Variants in ERAP1 observed in about 807,000 individuals in gnomAD.
ERAP1 encodes the protein adipocyte-derived leucine aminopeptidase.
Under a neutral mutation model 103.7 loss-of-function variants are expected in ERAP1, and 86 were observed. That is an observed-to-expected ratio of 0.83 (90% CI 0.70 to 0.99). The LOEUF is 0.99. Ranked by LOEUF, ERAP1 falls within the 50% of genes least tolerant of loss-of-function variation. ERAP1 has a pLI of 0.00. For synonymous variants in ERAP1, 398 were observed against 402.4 expected, an observed-to-expected ratio of 0.99 and a Z score of 0.13; for missense variants, 1,009 against 1,128.4, an observed-to-expected ratio of 0.89 and a Z score of 1.52.
chr5:96,790,794 G>C, intron 8 of ERAP1, 151 bp from the exon 9 acceptor site: 1 of 713,804 alleles, frequency 1.4e-6, no homozygotes, highest in Non-Finnish European at 2.4e-6. Flanking sequence ...GAGTAAGCAG[G>C]TTAAACCTGG....
rs377735000 is a variant in ERAP1 at position 96,774,915 on chromosome 5, G to A, written c.*1481C>T. On this transcript the variant is annotated 3_prime_UTR_variant, in exon 19 of 19. Coordinates refer to ENST00000443439, the MANE Select transcript of ERAP1 (RefSeq NM_001040458.3). ...AGGGGAACACATTTTGACATTTTTC[G>A]TACCAATCATCAATCATATTCCCTT... 6.1e-4 allele frequency: 597 copies of A among 985,018 alleles called. 7 individuals are homozygous for A. The African/African-American group carries it at 9.5e-3, about 16-fold the overall frequency. 61.0% of individuals were successfully genotyped at this position (985,018 alleles called of 1,614,324 possible).
the ERAP1 span, among the ~76,000 whole-genome samples, chr5:96,831,802 G>A: frequency 7.2e-5 from 11 of 152,186 alleles, no homozygotes; most frequent in African/African-American, 9.7e-5. Context: ...GCTAGCCCAC[G>A]TCTTTCCCTC....
At chr5:96,770,381 CA>C (rs1448935467), downstream of ERAP1, 38 of 589,574 alleles carry the variant, frequency 6.4e-5, no homozygotes, top group Non-Finnish European at 7.4e-5. Context: ...CACCGTTGTT[CA>C]AAAAAAATCA....
At chr5:96,786,447 T>C (rs370029030) in intron 12 of ERAP1, 23 bp downstream of exon 12, 1 of 1,479,538 alleles carries the variant, frequency 6.8e-7, no homozygotes, top group Non-Finnish European at 9.5e-7. Context: ...TTGAATTAAC[T>C]AGTAGTTTCC....
At chr5:96,855,527 C>T in the ERAP1 span, among the ~76,000 whole-genome samples, 12 of 152,286 alleles carry the variant, frequency 7.9e-5, no homozygotes, top group South Asian at 2.5e-3. Context: ...CTCTGTGGAG[C>T]TTCACCAGCG....
At chr5:96,916,882 T>C in the ERAP1 span, among the ~76,000 whole-genome samples, 1 of 152,244 alleles carries the variant, frequency 6.6e-6, no homozygotes. Context: ...GCTCACCATT[T>C]ACTCTATGAC....
At chr5:96,935,309 G>C in the ERAP1 span, 1 of 152,264 alleles carries the variant, frequency 6.6e-6, no homozygotes, top group African/African-American at 2.4e-5. Context: ...CGCCAGCCCC[G>C]GGACTGGACC....
the ERAP1 span, chr5:96,883,986 C>A: frequency 2.0e-6 from 3 of 1,494,692 alleles, no homozygotes; most frequent in African/African-American, 2.9e-5. Flanking sequence ...ACTCAGTCTT[C>A]GTTTGTTTTT....
intron 2 of ERAP1, among the ~76,000 whole-genome samples, chr5:96,802,472 G>C (rs2150996697): frequency 6.6e-6 from 1 of 152,226 alleles, no homozygotes; most frequent in Admixed American, 6.5e-5. Flanking sequence ...AGGGGGCTAT[G>C]AGTGAAATAA....
At chr5:96,912,748 C>T in the ERAP1 span, 1 of 1,600,166 alleles carries the variant, frequency 6.2e-7, no homozygotes, top group Non-Finnish European at 8.5e-7. Flanking sequence ...CTGAACAAAA[C>T]AAAATTCTGT....
chr5:96,912,265 T>TAA, the ERAP1 span, among the ~76,000 whole-genome samples: 1 of 149,622 alleles, frequency 6.7e-6, no homozygotes, highest in Non-Finnish European at 1.5e-5. Context: ...TAATCATCTT[T>TAA]AAAAAAAAAA....
chr5:96,815,303 T>C, the ERAP1 span, among the ~76,000 whole-genome samples: 5 of 152,248 alleles, frequency 3.3e-5, no homozygotes, highest in Admixed American at 2.0e-4. Flanking sequence ...AAGATGAAAA[T>C]AGAAAACTCA....
At chr5:96,922,326 T>A in the ERAP1 span, among the ~76,000 whole-genome samples, 1 of 152,020 alleles carries the variant, frequency 6.6e-6, no homozygotes, top group African/African-American at 2.4e-5. Flanking sequence ...CAAAAAAAAC[T>A]GTTTTCTAGT....
the ERAP1 span, among the ~76,000 whole-genome samples, chr5:96,814,793 T>C: frequency 0.015 from 2,307 of 152,264 alleles, 56 homozygotes; most frequent in African/African-American, 0.052. Context: ...CTTTACAGTC[T>C]AGAGAAAATA....
At chr5:96,806,961 T>TTTTTGTTTTGTTTTG (rs151195031) in intron 1 of ERAP1, among the ~76,000 whole-genome samples, 1 of 95,576 alleles carries the variant, frequency 1.0e-5, no homozygotes, top group African/African-American at 3.3e-5. Flanking sequence ...ATTTTCAAGT[T>TTTTTGTTTTGTTTTG]TTTTGTTTTG....
Position 96,803,665 on chromosome 5 carries a change from G to C in ERAP1, c.262C>G (p.Gln88Glu), listed in dbSNP as rs751798914. 4 of 1,614,226 alleles carry C rather than the reference G, an allele frequency of 2.5e-6. No individual in the cohort carries two copies. Among genetic ancestry groups the C allele is most frequent in the Non-Finnish European group, 1.7e-6 (2 of 1,180,040 alleles). ...TGCAGGATGATGGTGCTGGTGGGCT[G>C]ACTGGCTGTGATTTCTACTTTCGTG... The part of the protein sequence containing the change: ...GTTKVEITAS[Q>E]PTSTIILHSH... The change falls in exon 2 of 19, where the codon CAG (glutamine) becomes GAG (glutamate). Residue 88 changes from glutamine to glutamate, a missense_variant. Gln to Glu is a conservative substitution (Grantham distance 29). Coordinates refer to ENST00000443439, the MANE Select transcript of ERAP1 (RefSeq NM_001040458.3).
chr5:96,913,908 G>C, the ERAP1 span, among the ~76,000 whole-genome samples: 2 of 152,162 alleles, frequency 1.3e-5, no homozygotes, highest in African/African-American at 4.8e-5. Flanking sequence ...CTGTGGAGGT[G>C]GCACAGTGGA....
At position 96,776,070 on chromosome 5, in the gene ERAP1, T is replaced by TAAAC. The variant is rs1263161950; in HGVS notation, c.*322_*325dup. 5 of 1,247,374 alleles carry TAAAC rather than the reference T, an allele frequency of 4.0e-6. No individual in the cohort carries two copies. The highest frequency in any genetic ancestry group is 3.1e-5 in the African/African-American group (2 of 64,994). 77.3% of individuals were successfully genotyped at this position (1,247,374 alleles called of 1,614,324 possible). A position where few individuals can be genotyped will look rare whatever the true frequency, so the allele number is the denominator to read the frequency against. On this transcript the variant is annotated 3_prime_UTR_variant, in exon 19 of 19. Transcript: ENST00000443439. ...GACTGATGAAACAGTTTATGAATGA[T>TAAAC]AAACATGGGGTACAGGGTTTTGGAC...
chr5:96,830,883 T>TA, the ERAP1 span, among the ~76,000 whole-genome samples: 1 of 152,178 alleles, frequency 6.6e-6, no homozygotes, highest in African/African-American at 2.4e-5. Context: ...CACAAGGGAT[T>TA]AGTTCCAGGA....
Sources: gnomAD v4.1 joint callset for allele counts (sites outside exome capture counted in the v4.1 genomes callset) on GRCh38, gnomAD v4.1.1 for gene constraint, MANE v1.5 for transcripts, NCBI Gene and HGNC (gene_info 2026-07-23, HGNC 2026-07-21) for gene names.